P4HA3: variants seen among roughly 807,000 people sequenced by gnomAD.
P4HA3 encodes the protein prolyl 4-hydroxylase subunit alpha-3.
P4HA3 carries 60 observed loss-of-function variants against 66.7 expected under a neutral mutation model. That is an observed-to-expected ratio of 0.90 (90% CI 0.73 to 1.12). The LOEUF (loss-of-function observed/expected upper bound fraction) is 1.12. Ranked by LOEUF, P4HA3 falls within the 50% of genes most tolerant of loss-of-function variation. P4HA3 has a pLI of 0.00. For synonymous variants in P4HA3, 263 were observed against 274.6 expected (o/e 0.96, Z 0.42); for missense variants, 683 against 685.8 (o/e 1.00, Z 0.05).
At chr11:74,296,934 C>CTTTTTTT (rs540922878) in intron 4 of P4HA3, among the ~76,000 whole-genome samples, 3 of 123,904 alleles carry the variant, frequency 2.4e-5, no homozygotes, top group Non-Finnish European at 3.3e-5. Flanking sequence ...TTCTTTTTTT[C>CTTTTTTT]TTTTTTTTTT....
intron 15 of P4HA3, among the ~76,000 whole-genome samples, chr11:74,257,368 GC>G (rs1859846429): frequency 6.6e-6 from 1 of 152,072 alleles, no homozygotes; most frequent in Non-Finnish European, 1.5e-5. Context: ...CGAGTGATCT[GC>G]CCGCCTCAGC....
downstream of P4HA3, among the ~76,000 whole-genome samples, chr11:74,265,151 G>A (rs1565402174): frequency 6.6e-6 from 1 of 152,182 alleles, no homozygotes; most frequent in Non-Finnish European, 1.5e-5. Flanking sequence ...GACCCATCCT[G>A]TAATTCTGAG....
intron 4 of P4HA3, among the ~76,000 whole-genome samples, chr11:74,296,934 CTTTTT>C (rs540922878): frequency 1.2e-4 from 15 of 123,904 alleles, no homozygotes; most frequent in Admixed American, 3.5e-4. Context: ...TTCTTTTTTT[CTTTTT>C]TTTTTTTTTT....
Position 74,271,500 on chromosome 11 carries a change from A to G in P4HA3, c.1399-1780T>C, listed in dbSNP as rs187030267. Among the ~76,000 whole-genome samples, 7 of 152,236 alleles carry G rather than the reference A, an allele frequency of 4.6e-5. No individual in the cohort carries two copies. In the East Asian group the frequency reaches 1.2e-3, roughly 25 times the overall value. Reference sequence around the variant, plus strand: ...AAAGGGAGAGAAATCTTCCGTCTGTATACCTTCTACTATTTTGTACTGGGG... The same window carrying G: ...AAAGGGAGAGAAATCTTCCGTCTGTGTACCTTCTACTATTTTGTACTGGGG... On this transcript the variant is annotated intron_variant, in intron 10 of 12. Coordinates refer to ENST00000331597, the MANE Select transcript of P4HA3 (RefSeq NM_182904.5).
At position 74,298,253 on chromosome 11, in the gene P4HA3, G is replaced by C; in HGVS notation, c.676C>G (p.Leu226Val). 1 of 1,614,040 alleles carries C rather than the reference G, an allele frequency of 6.2e-7. No individual in the cohort carries two copies. Among genetic ancestry groups the C allele is most frequent in the Non-Finnish European group, 8.5e-7 (1 of 1,179,968 alleles). Residue 226 changes from leucine to valine, a missense_variant, in exon 4 of 13, where the codon CTA becomes GTA. Physicochemically the swap from Leu to Val is conservative, Grantham distance 32. Transcript: ENST00000331597. Reference protein sequence around the residue: ...GEWKTEDEASLEDALDHLAFA... With the variant: ...GEWKTEDEASVEDALDHLAFA... ...GCCAAGTGATCCAAGGCATCTTCTA[G>C]ACTTGCCTCATCCTCTGTCTTCCAC...
intron 1 of P4HA3, among the ~76,000 whole-genome samples, chr11:74,306,615 G>A (rs1392476060): frequency 6.6e-6 from 1 of 152,208 alleles, no homozygotes; most frequent in Non-Finnish European, 1.5e-5. Context: ...TCTGCGAGGA[G>A]ACAGAGATGA....
Position 74,289,135 on chromosome 11 carries a change from TAAAAAAAA to T in P4HA3, c.718-13_718-6del, listed in dbSNP as rs35776286. The T allele has an allele frequency of 1.5e-6, 2 of 1,377,808 alleles. No individual in the cohort carries two copies. Among genetic ancestry groups the T allele is most frequent in the Non-Finnish European group, 2.0e-6 (2 of 1,023,716 alleles). The allele number at this position is 1,377,808 out of a possible 1,614,324, so 85.3% of individuals were successfully genotyped here. ...GGCACACGAAACATTTCCTGCCTGT[TAAAAAAAA>T]AAAAAAGAAAAGAAAGCATTAACTT... On this transcript the variant is annotated splice_polypyrimidine_tract_variant and splice_region_variant and intron_variant, in intron 4 of 12. Coordinates refer to ENST00000331597, the MANE Select transcript of P4HA3 (RefSeq NM_182904.5).
At position 74,281,666 on chromosome 11, in the gene P4HA3, T is replaced by C. The variant is rs190176455; in HGVS notation, c.1111-2214A>G. ...ACATATTCTCACTCATAGGTGGGAA[T>C]TGAACAATGAGATCACATGGACACA... On this transcript the variant is annotated intron_variant, in intron 7 of 12. Coordinates refer to ENST00000331597, the MANE Select transcript of P4HA3 (RefSeq NM_182904.5). Among the ~76,000 whole-genome samples, 98 of 152,096 alleles carry C rather than the reference T, an allele frequency of 6.4e-4. 1 individual carries two copies. The East Asian group carries it at 0.015, about 23-fold the overall frequency.
intron 4 of P4HA3, 36 bp from the exon 5 acceptor site, chr11:74,289,166 C>T: frequency 6.7e-7 from 1 of 1,483,536 alleles, no homozygotes; most frequent in Non-Finnish European, 9.1e-7. Flanking sequence ...AAAGCATTAA[C>T]TTCACTGAGG....
Position 74,298,330 on chromosome 11 carries a change from G to A in P4HA3, c.599C>T (p.Ala200Val). 1 of 1,613,844 alleles carries A rather than the reference G, an allele frequency of 6.2e-7. No individual in the cohort carries two copies. Among genetic ancestry groups the A allele is most frequent in the South Asian group, 1.1e-5 (1 of 91,082 alleles). Residue 200 changes from alanine (A) to valine (V), a missense_variant, in exon 4 of 13, where the codon GCC becomes GTC. Ala to Val is a moderately conservative substitution (Grantham distance 64). Coordinates refer to ENST00000331597, the MANE Select transcript of P4HA3 (RefSeq NM_182904.5). ...VAYDMGDYYH[A>V]IPWLEEAVSL... is the part of the protein sequence containing the mutation. ...GACAGCCTCCTCCAGCCATGGAATG[G>A]CATGGTAATAATCCCCCATGTCATA...
chr11:74,260,749 C>T (rs1391740839), intron 14 of P4HA3, among the ~76,000 whole-genome samples: 1 of 152,090 alleles, frequency 6.6e-6, no homozygotes, highest in East Asian at 1.9e-4. Context: ...GTTACTTTTG[C>T]ATCAACCTAA....
chr11:74,252,479 G>T lies in P4HA3; in HGVS notation c.*1319-4478C>A, dbSNP rs116735857. On this transcript the variant is annotated intron_variant and NMD_transcript_variant, in intron 15 of 15. Transcript: ENST00000524388. ...AGCTGGGAATGGAATGGGTGCCTCTGCCAGGCTTGCTTCCCCTCCCTTTCC... is the reference window on the plus strand; with the variant it reads ...AGCTGGGAATGGAATGGGTGCCTCTTCCAGGCTTGCTTCCCCTCCCTTTCC... 1,030 of 456,504 alleles carry T rather than the reference G, an allele frequency of 2.3e-3. 8 individuals are homozygous for T. The highest frequency in any genetic ancestry group is 0.018 in the African/African-American group (924 of 50,140). The allele number at this position is 456,504 out of a possible 1,614,324, so 28.3% of individuals were successfully genotyped here.
chr11:74,270,326 T>G (rs1256246769), intron 10 of P4HA3, among the ~76,000 whole-genome samples: 1 of 152,150 alleles, frequency 6.6e-6, no homozygotes, highest in Non-Finnish European at 1.5e-5. Flanking sequence ...TTTGGCATAT[T>G]CTCCAGATCA....
chr11:74,279,759 T>C (rs80099532), intron 7 of P4HA3, among the ~76,000 whole-genome samples: 6,059 of 152,330 alleles, frequency 0.04, 128 homozygotes, highest in Middle Eastern at 0.11. Context: ...TTTGTATCTG[T>C]AAGACTGTGA....
At chr11:74,277,517 T>A (rs984294027) in intron 8 of P4HA3, among the ~76,000 whole-genome samples, 4 of 152,246 alleles carry the variant, frequency 2.6e-5, no homozygotes, top group Admixed American at 6.5e-5. Flanking sequence ...TCTGTGATCC[T>A]AAGTCAAGTA....
intron 15 of P4HA3, chr11:74,255,874 G>T: frequency 2.0e-6 from 1 of 496,146 alleles, no homozygotes; most frequent in South Asian, 1.5e-5. Flanking sequence ...GAGCTCCCTA[G>T]TAGAGGAGAG....
At chr11:74,298,584 A>T in intron 3 of P4HA3, among the ~76,000 whole-genome samples, 1 of 152,248 alleles carries the variant, frequency 6.6e-6, no homozygotes, top group East Asian at 1.9e-4. Context: ...ATCTGAAGGA[A>T]AAGAGAACAT....
chr11:74,273,046 A>C (rs975538722), intron 10 of P4HA3, among the ~76,000 whole-genome samples: 1 of 152,152 alleles, frequency 6.6e-6, no homozygotes, highest in African/African-American at 2.4e-5. Flanking sequence ...AAGGAAGAGA[A>C]TTTTCACTAA....
chr11:74,278,753 A>G (rs1173778558), intron 8 of P4HA3, among the ~76,000 whole-genome samples: 4 of 152,200 alleles, frequency 2.6e-5, no homozygotes, highest in African/African-American at 9.7e-5. Flanking sequence ...GTTAAGCCAA[A>G]TGATTCTGAA....
Sources: allele counts gnomAD v4.1 joint callset (sites outside exome capture counted in the v4.1 genomes callset), GRCh38; gene constraint gnomAD v4.1.1; transcripts MANE v1.5; gene names NCBI Gene and HGNC (gene_info 2026-07-23, HGNC 2026-07-21).